The following DLC1 variants were observed in gnomAD, a reference collection of about 807,000 sequenced individuals.
DLC1 encodes DLC1 Rho GTPase activating protein, also known as rho GTPase-activating protein 7.
In DLC1, 54 loss-of-function variants were observed where a neutral mutation model predicts 140.3. The observed-to-expected ratio is 0.38, with a 90% CI of 0.31 to 0.48. The LOEUF is 0.48. Among genes scored for constraint, DLC1 ranks in the 20% least tolerant of loss-of-function variants. DLC1 has a pLI of 0.96. For synonymous variants in DLC1, 986 were observed against 728.1 expected, an observed-to-expected ratio of 1.35 and a Z score of -5.70; for missense variants, 2,536 against 1,907.0, an observed-to-expected ratio of 1.33 and a Z score of -6.14.
chr8:13,328,293 C>A (rs1453729376), intron 4 of DLC1, among the ~76,000 whole-genome samples: 1 of 152,200 alleles, frequency 6.6e-6, no homozygotes, highest in Non-Finnish European at 1.5e-5. Flanking sequence ...CAAGAAAGAA[C>A]TGACTGCTGA....
intron 2 of DLC1, among the ~76,000 whole-genome samples, chr8:13,403,324 T>G (rs560909639): frequency 6.6e-6 from 1 of 152,350 alleles, no homozygotes; most frequent in Non-Finnish European, 1.5e-5. Flanking sequence ...CTACAGAGCT[T>G]TGTTACATTC....
At chr8:13,111,775 T>C (rs1376045345) in intron 6 of DLC1, among the ~76,000 whole-genome samples, 1 of 152,040 alleles carries the variant, frequency 6.6e-6, no homozygotes, top group Non-Finnish European at 1.5e-5. Flanking sequence ...AGTGTCTCGG[T>C]GTAGGGTAAC....
chr8:13,193,829 A>G (rs957069019), intron 5 of DLC1, among the ~76,000 whole-genome samples: 26 of 152,328 alleles, frequency 1.7e-4, no homozygotes, highest in African/African-American at 6.3e-4. Flanking sequence ...GCCAGTACTC[A>G]TTGGATTTCA....
intron 1 of DLC1, among the ~76,000 whole-genome samples, chr8:13,583,618 A>G (rs1442099963): frequency 6.6e-6 from 1 of 152,236 alleles, no homozygotes; most frequent in African/African-American, 2.4e-5. Context: ...GCACTATAAA[A>G]CAAGGTATGC....
At position 13,272,677 on chromosome 8, in the gene DLC1, C is replaced by T. The variant is rs548985667; in HGVS notation, c.1348+32592G>A. 4.9e-3 allele frequency among the ~76,000 whole-genome samples: 741 copies of T among 151,750 alleles called. 4 individuals carry two copies. The highest frequency in any genetic ancestry group is 0.016 in the African/African-American group (673 of 41,360). ...GAGATCGAGACCATCCTGGCTAACACGGTGAAACCCCGTCTCTACTAAAAA... is the reference window on the plus strand; with the variant it reads ...GAGATCGAGACCATCCTGGCTAACATGGTGAAACCCCGTCTCTACTAAAAA... On this transcript the variant is annotated intron_variant, in intron 5 of 17. Transcript: ENST00000276297.
At chr8:13,528,441 C>G (rs1248584813) in intron 1 of DLC1, among the ~76,000 whole-genome samples, 2 of 152,056 alleles carry the variant, frequency 1.3e-5, no homozygotes, top group Non-Finnish European at 2.9e-5. Flanking sequence ...TGCCAAAATT[C>G]AAATGTTAGA....
chr8:13,150,431 A>G (rs1229076441), intron 5 of DLC1, among the ~76,000 whole-genome samples: 2 of 152,046 alleles, frequency 1.3e-5, no homozygotes, highest in East Asian at 1.9e-4. Context: ...CAATACTGTA[A>G]TTACTCACTG....
intron 5 of DLC1, 147 bp from the exon 6 acceptor site, chr8:13,115,804 G>A (rs952658062): frequency 1.4e-5 from 10 of 711,586 alleles, no homozygotes; most frequent in South Asian, 6.2e-5. Context: ...CGCTTAATTC[G>A]AATGGTTTAC....
At chr8:13,559,521 C>T (rs1389653711) in intron 1 of DLC1, 6 of 152,162 alleles carry the variant, frequency 3.9e-5, no homozygotes, top group South Asian at 4.1e-4. Flanking sequence ...AAAGATTCAT[C>T]TCAAATAAAA....
At chr8:13,539,748 GTA>G (rs1202597419) in intron 1 of DLC1, among the ~76,000 whole-genome samples, 18 of 124,822 alleles carry the variant, frequency 1.4e-4, no homozygotes, top group South Asian at 4.8e-4. Flanking sequence ...AAATGTGTGT[GTA>G]TGTGTGTGTG....
chr8:13,589,605 T>C (rs1805448910), intron 1 of DLC1, among the ~76,000 whole-genome samples: 1 of 152,060 alleles, frequency 6.6e-6, no homozygotes, highest in South Asian at 2.1e-4. Flanking sequence ...GGATGTTTTT[T>C]CATGTTGCTT....
intron 5 of DLC1, among the ~76,000 whole-genome samples, chr8:13,258,074 T>C (rs956177253): frequency 2.6e-5 from 4 of 152,198 alleles, no homozygotes; most frequent in Non-Finnish European, 5.9e-5. Flanking sequence ...GTTTCAATCC[T>C]TGTAGTGTTT....
intron 4 of DLC1, among the ~76,000 whole-genome samples, chr8:13,305,652 C>T (rs536955153): frequency 1.3e-5 from 2 of 152,120 alleles, no homozygotes; most frequent in Non-Finnish European, 2.9e-5. Context: ...GCCAGGACAA[C>T]ATGGTGAAAC....
At chr8:13,513,025 T>G (rs1802447274) in intron 1 of DLC1, among the ~76,000 whole-genome samples, 1 of 151,626 alleles carries the variant, frequency 6.6e-6, no homozygotes, top group South Asian at 2.1e-4. Context: ...CAAAGCACCC[T>G]TCTACTGGAC....
chr8:13,400,548 G>A (rs1837248578), intron 3 of DLC1, among the ~76,000 whole-genome samples: 1 of 152,048 alleles, frequency 6.6e-6, no homozygotes, highest in African/African-American at 2.4e-5. Flanking sequence ...GGGCTGATGT[G>A]TGCAATATAA....
At chr8:13,562,923 G>A (rs553577988) in intron 1 of DLC1, among the ~76,000 whole-genome samples, 7 of 150,818 alleles carry the variant, frequency 4.6e-5, no homozygotes, top group Non-Finnish European at 8.9e-5. Context: ...AAAAAAAAAC[G>A]CCATAAAGCA....
At chr8:13,315,661 G>A (rs920934039) in intron 4 of DLC1, among the ~76,000 whole-genome samples, 3 of 152,126 alleles carry the variant, frequency 2.0e-5, no homozygotes, top group Non-Finnish European at 4.4e-5. Flanking sequence ...GATGACCTAA[G>A]TCCCCGTATT....
intron 1 of DLC1, among the ~76,000 whole-genome samples, chr8:13,579,046 C>G (rs1048420487): frequency 6.6e-6 from 1 of 151,350 alleles, no homozygotes; most frequent in Non-Finnish European, 1.5e-5. Flanking sequence ...TGCACTAGAA[C>G]AAAAGAGACT....
intron 2 of DLC1, among the ~76,000 whole-genome samples, chr8:13,472,532 T>C (rs757352554): frequency 6.6e-6 from 1 of 152,222 alleles, no homozygotes; most frequent in Non-Finnish European, 1.5e-5. Context: ...CTGTGAGAAT[T>C]GGCCTGTGTC....
Sources: gnomAD v4.1 joint callset for allele counts (sites outside exome capture counted in the v4.1 genomes callset) on GRCh38, gnomAD v4.1.1 for gene constraint, MANE v1.5 for transcripts, NCBI Gene and HGNC (gene_info 2026-07-23, HGNC 2026-07-21) for gene names.